Variants in TNFRSF10A observed in about 807,000 individuals in gnomAD.
TNFRSF10A encodes the protein TNF receptor superfamily member 10a.
TNFRSF10A carries 44 observed loss-of-function variants against 42.8 expected under a neutral mutation model. The ratio of observed to expected loss-of-function variants is 1.03; its 90% CI spans 0.81 to 1.32. The LOEUF (loss-of-function observed/expected upper bound fraction) is 1.32, where lower values mean the gene tolerates loss of function less well. TNFRSF10A is among the 40% of genes most tolerant of loss of function. The pLI, the probability that TNFRSF10A is intolerant of heterozygous loss-of-function variation, is 0.00. For missense variants in TNFRSF10A, 680 were observed against 602.0 expected (o/e 1.13, Z -1.36); for synonymous variants, 259 against 234.2 (o/e 1.11, Z -0.97).
At chr8:23,199,181 T>C (rs961134230) in intron 8 of TNFRSF10A, 85 bp downstream of exon 8, 4 of 1,521,478 alleles carry the variant, frequency 2.6e-6, no homozygotes, top group Non-Finnish European at 3.6e-6. Flanking sequence ...TCCCTCAGGC[T>C]CCACTTCCCC....
At chr8:23,196,220 G>T (rs975495574) in intron 9 of TNFRSF10A, among the ~76,000 whole-genome samples, 2 of 152,046 alleles carry the variant, frequency 1.3e-5, no homozygotes, top group African/African-American at 2.4e-5. Flanking sequence ...TTGAGACAGA[G>T]TCTTGCTCTG....
At chr8:23,198,390 A>G (rs1800854465) in intron 8 of TNFRSF10A, among the ~76,000 whole-genome samples, 1 of 152,206 alleles carries the variant, frequency 6.6e-6, no homozygotes. Flanking sequence ...AGGTAAAAGT[A>G]TCTACAGATT....
intron 2 of TNFRSF10A, among the ~76,000 whole-genome samples, chr8:23,207,746 T>C (rs1233198005): frequency 6.6e-6 from 1 of 152,164 alleles, no homozygotes; most frequent in Non-Finnish European, 1.5e-5. Flanking sequence ...GCACAAGCTC[T>C]CTTTGCTTGC....
chr8:23,198,363 A>G (rs903735715), intron 8 of TNFRSF10A, among the ~76,000 whole-genome samples: 1 of 152,244 alleles, frequency 6.6e-6, no homozygotes, highest in African/African-American at 2.4e-5. Flanking sequence ...GTCTTTCTAC[A>G]GTAGTGAGCA....
rs564810564 is a variant in TNFRSF10A at position 23,207,582 on chromosome 8, C to G, written c.403+4534G>C. ...TATTACTGATATGATTTGGCTGTGT[C>G]CCCACACAAATCTCATCTTGAATTC... is the stretch of plus-strand genomic sequence containing the variant. On this transcript the variant is annotated intron_variant, in intron 2 of 9. Coordinates refer to ENST00000221132, the MANE Select transcript of TNFRSF10A (RefSeq NM_003844.4). Among the ~76,000 whole-genome samples the G allele has an allele frequency of 1.4e-3, 215 of 152,270 alleles. 2 individuals are homozygous for G. Among genetic ancestry groups the G allele is most frequent in the Non-Finnish European group, 2.5e-3 (167 of 68,018 alleles).
chr8:23,200,263 C>T (rs1322305944), intron 6 of TNFRSF10A, among the ~76,000 whole-genome samples: 3 of 152,216 alleles, frequency 2.0e-5, no homozygotes, highest in African/African-American at 7.2e-5. Flanking sequence ...AGTGGAGGAA[C>T]TGGCCCTGCC....
chr8:23,207,981 A>G (rs1049037314), intron 2 of TNFRSF10A, among the ~76,000 whole-genome samples: 3 of 152,090 alleles, frequency 2.0e-5, no homozygotes, highest in Admixed American at 1.3e-4. Context: ...AAAATATGGA[A>G]GCAACTTTGG....
chr8:23,222,063 G>C (rs59039740), intron 1 of TNFRSF10A, among the ~76,000 whole-genome samples: 3 of 152,028 alleles, frequency 2.0e-5, no homozygotes, highest in African/African-American at 4.8e-5. Flanking sequence ...ATTTTTAGTA[G>C]AGACGGGGTT....
intron 2 of TNFRSF10A, among the ~76,000 whole-genome samples, chr8:23,205,938 G>A (rs1175671822): frequency 2.0e-5 from 3 of 151,860 alleles, no homozygotes; most frequent in Admixed American, 6.6e-5. Flanking sequence ...GGATGGTCTC[G>A]ATCTCCTGAC....
At chr8:23,203,475 C>T (rs1163186497) in intron 2 of TNFRSF10A, among the ~76,000 whole-genome samples, 1 of 152,204 alleles carries the variant, frequency 6.6e-6, no homozygotes, top group Non-Finnish European at 1.5e-5. Context: ...CAGAGGGTCT[C>T]CAGGCACTGA....
intron 2 of TNFRSF10A, among the ~76,000 whole-genome samples, chr8:23,209,246 C>A (rs1801059370): frequency 6.6e-6 from 1 of 152,204 alleles, no homozygotes; most frequent in African/African-American, 2.4e-5. Flanking sequence ...GATGCCCAGG[C>A]AAAAGTTTGC....
rs1267146423 is a variant in TNFRSF10A at position 23,200,413 on chromosome 8, G to A, written c.799+92C>T. The A allele has an allele frequency of 2.8e-6, 4 of 1,406,038 alleles. No homozygotes were observed. In the African/African-American group the frequency reaches 5.7e-5, roughly 20 times the overall value. 87.1% of individuals were successfully genotyped at this position (1,406,038 alleles called of 1,614,324 possible). On this transcript the variant is annotated intron_variant, in intron 6 of 9. Coordinates refer to ENST00000221132, the MANE Select transcript of TNFRSF10A (RefSeq NM_003844.4). ...GATAGAGCCCGGCCAGAGACACTAGGACTTGGGGCAGGGGTGAGCGTTTCT... is the reference window on the plus strand; with the variant it reads ...GATAGAGCCCGGCCAGAGACACTAGAACTTGGGGCAGGGGTGAGCGTTTCT...
At chr8:23,215,292 G>C (rs889085142) in intron 1 of TNFRSF10A, among the ~76,000 whole-genome samples, 2 of 152,090 alleles carry the variant, frequency 1.3e-5, no homozygotes, top group African/African-American at 4.8e-5. Context: ...CAAAGTGGGC[G>C]ACCACCTGAG....
At chr8:23,196,248 CA>C (rs1314292531) in intron 9 of TNFRSF10A, among the ~76,000 whole-genome samples, 1 of 152,080 alleles carries the variant, frequency 6.6e-6, no homozygotes, top group African/African-American at 2.4e-5. Flanking sequence ...GGCTGGAGTG[CA>C]GTAGCGCTAT....
chr8:23,224,574 C>G (rs1156463347), intron 1 of TNFRSF10A, 182 bp downstream of exon 1: 2 of 750,648 alleles, frequency 2.7e-6, no homozygotes, highest in African/African-American at 1.9e-5. Context: ...AGGCCCGGGT[C>G]GCTCCTGCCT....
intron 1 of TNFRSF10A, among the ~76,000 whole-genome samples, chr8:23,222,307 C>G (rs1358556763): frequency 3.3e-5 from 5 of 152,134 alleles, no homozygotes; most frequent in Admixed American, 3.3e-4. Context: ...AAAGGGCTGC[C>G]CGATACTTCA....
At chr8:23,202,188 T>C (rs1585281914) in intron 3 of TNFRSF10A, among the ~76,000 whole-genome samples, 1 of 152,286 alleles carries the variant, frequency 6.6e-6, no homozygotes, top group African/African-American at 2.4e-5. Flanking sequence ...GCATGGTCAG[T>C]AGCAAAGGAG....
chr8:23,214,026 T>C (rs114742249), intron 1 of TNFRSF10A, among the ~76,000 whole-genome samples: 1,800 of 151,940 alleles, frequency 0.012, 28 homozygotes, highest in African/African-American at 0.042. Flanking sequence ...CTGTCATCTG[T>C]CTCAAGATAT....
rs1398822596 is a variant in TNFRSF10A, at chr8:23,199,368, G to A, written c.912C>T (p.Asp304=). 1.2e-6 allele frequency: 2 copies of A among 1,614,094 alleles called. No homozygotes were observed. The highest frequency in any genetic ancestry group is 8.5e-7 in the Non-Finnish European group (1 of 1,180,032). ...NAHNEILSNA[D]SLSTFVSEQQ... is the part of the protein sequence containing the mutation. ...GCTCAGAGACGAAAGTGGACAGCGA[G>A]TCTGCGTTGCTCAGAATCTCGTTGT... is the stretch of plus-strand genomic sequence containing the variant. The change falls in exon 8 of 10, where the codon GAC becomes GAT. Residue 304 remains aspartate, a synonymous_variant. Transcript: ENST00000221132.
Sources: allele counts gnomAD v4.1 joint callset (sites outside exome capture counted in the v4.1 genomes callset), GRCh38; gene constraint gnomAD v4.1.1; transcripts MANE v1.5; gene names NCBI Gene and HGNC (gene_info 2026-07-23, HGNC 2026-07-21).